NCKAP5: variants seen among roughly 807,000 people sequenced by gnomAD.
The protein encoded by NCKAP5 is NCK associated protein 5.
In NCKAP5, 92 loss-of-function variants were observed where a neutral mutation model predicts 167.0. That is an observed-to-expected ratio of 0.55 (90% CI 0.47 to 0.66). The LOEUF is 0.66. Ranked by LOEUF, NCKAP5 falls within the 30% of genes least tolerant of loss-of-function variation. The probability of loss-of-function intolerance (pLI) is 0.00; values close to 1 mark genes in which losing one functional copy is unlikely to be tolerated. For missense variants in NCKAP5, 2,378 were observed against 2,315.0 expected, an observed-to-expected ratio of 1.03 and a Z score of -0.56; for synonymous variants, 891 against 877.4, an observed-to-expected ratio of 1.02 and a Z score of -0.27.
the NCKAP5 span, among the ~76,000 whole-genome samples, chr2:133,605,487 G>A: frequency 6.6e-6 from 1 of 152,156 alleles, no homozygotes; most frequent in Non-Finnish European, 1.5e-5. Context: ...GTGGTGGGGG[G>A]AAGGGACACA....
intron 3 of NCKAP5, among the ~76,000 whole-genome samples, chr2:133,486,553 T>C (rs994323049): frequency 1.3e-5 from 2 of 152,154 alleles, no homozygotes; most frequent in Non-Finnish European, 2.9e-5. Context: ...CCCTTAAACA[T>C]ACAGTCTGAA....
chr2:133,501,909 T>C (rs1473936345), intron 3 of NCKAP5, among the ~76,000 whole-genome samples: 1 of 152,234 alleles, frequency 6.6e-6, no homozygotes, highest in Non-Finnish European at 1.5e-5. Flanking sequence ...CTAGTCCTCC[T>C]GGGAATTCCT....
At chr2:133,615,297 C>T in the NCKAP5 span, among the ~76,000 whole-genome samples, 1 of 151,256 alleles carries the variant, frequency 6.6e-6, no homozygotes, top group Non-Finnish European at 1.5e-5. Context: ...TCACACATAA[C>T]AATATTAACT....
At position 132,936,556 on chromosome 2, in the gene NCKAP5, C is replaced by T. The variant is rs117112735; in HGVS notation, c.579+27164G>A. Among the ~76,000 whole-genome samples the T allele has an allele frequency of 4.6e-5, 7 of 152,290 alleles. No individual in the cohort carries two copies. The East Asian group carries it at 1.4e-3, about 29-fold the overall frequency. ...TCAACACCATCTCTTTCTTTCTCCA[C>T]CACAAATAGGTCCCTTGGCACTACA... is the stretch of plus-strand genomic sequence containing the variant. On this transcript the variant is annotated intron_variant, in intron 8 of 19. Coordinates refer to ENST00000409261, the MANE Select transcript of NCKAP5 (RefSeq NM_207363.3).
chr2:132,999,125 T>C (rs928212223), intron 6 of NCKAP5, among the ~76,000 whole-genome samples: 12 of 56,720 alleles, frequency 2.1e-4, no homozygotes, highest in Admixed American at 8.1e-4. Flanking sequence ...TAAATACATA[T>C]ATGCAAACAG....
intron 8 of NCKAP5, among the ~76,000 whole-genome samples, chr2:132,922,360 C>A (rs893264029): frequency 3.9e-5 from 6 of 152,160 alleles, no homozygotes; most frequent in Non-Finnish European, 7.3e-5. Flanking sequence ...AGTTAAGAGC[C>A]AGGCTTTTCC....
chr2:133,219,174 G>T (rs990797103), intron 4 of NCKAP5, among the ~76,000 whole-genome samples: 1 of 152,158 alleles, frequency 6.6e-6, no homozygotes, highest in African/African-American at 2.4e-5. Flanking sequence ...AAACAGCCAC[G>T]TGGAAACAGG....
intron 6 of NCKAP5, among the ~76,000 whole-genome samples, chr2:133,111,808 G>A (rs1303759171): frequency 6.6e-6 from 1 of 152,142 alleles, no homozygotes; most frequent in Non-Finnish European, 1.5e-5. Context: ...CTAACAGATT[G>A]CTTAAGTGAA....
At chr2:133,089,096 T>C (rs1223787514) in intron 6 of NCKAP5, among the ~76,000 whole-genome samples, 1 of 152,160 alleles carries the variant, frequency 6.6e-6, no homozygotes, top group African/African-American at 2.4e-5. Context: ...CCAAGACATA[T>C]CCAAGTCTTA....
intron 9 of NCKAP5, among the ~76,000 whole-genome samples, chr2:132,870,658 T>G (rs1690739564): frequency 6.6e-6 from 1 of 151,568 alleles, no homozygotes; most frequent in East Asian, 1.9e-4. Flanking sequence ...ACTTTTGTGT[T>G]ATTTTTCTCT....
chr2:133,383,980 G>A (rs985080450), intron 3 of NCKAP5, among the ~76,000 whole-genome samples: 1 of 151,920 alleles, frequency 6.6e-6, no homozygotes, highest in Non-Finnish European at 1.5e-5. Context: ...TGAATAGATT[G>A]CAAAAATTTT....
intron 8 of NCKAP5, among the ~76,000 whole-genome samples, chr2:132,962,412 AG>A (rs2076540328): frequency 6.6e-6 from 1 of 151,956 alleles, no homozygotes; most frequent in Admixed American, 6.6e-5. Flanking sequence ...GTAGTCGAAC[AG>A]GGATTCAAAT....
intron 3 of NCKAP5, among the ~76,000 whole-genome samples, chr2:133,429,457 T>A (rs1328554817): frequency 1.3e-5 from 2 of 152,024 alleles, no homozygotes; most frequent in African/African-American, 4.8e-5. Context: ...CCCCTCTTCA[T>A]CCCTCCATTT....
intron 8 of NCKAP5, chr2:132,930,933 C>G (rs1391929199): frequency 6.6e-6 from 1 of 152,164 alleles, no homozygotes; most frequent in African/African-American, 2.4e-5. Flanking sequence ...TTATCTCCCT[C>G]TATACTCTGA....
intron 6 of NCKAP5, among the ~76,000 whole-genome samples, chr2:133,129,739 C>T (rs1394367959): frequency 6.6e-6 from 1 of 152,174 alleles, no homozygotes; most frequent in East Asian, 1.9e-4. Context: ...CTTAGGAAAG[C>T]CATCAGGAAA....
chr2:133,414,515 G>A lies in NCKAP5; in HGVS notation c.69+102943C>T, dbSNP rs1341243634. On this transcript the variant is annotated intron_variant, in intron 3 of 19. Transcript: ENST00000409261. ...GGGAGGATAAATTCAGGTCATTCTTGTTGCACCAAAAAAAAGCAACTCACA... is the reference window on the plus strand; with the variant it reads ...GGGAGGATAAATTCAGGTCATTCTTATTGCACCAAAAAAAAGCAACTCACA... 3.9e-5 allele frequency among the ~76,000 whole-genome samples: 6 copies of A among 152,088 alleles called. No homozygotes were observed. In the East Asian group the frequency reaches 1.2e-3, roughly 29 times the overall value.
intron 3 of NCKAP5, among the ~76,000 whole-genome samples, chr2:133,342,640 C>A (rs1683676885): frequency 6.6e-6 from 1 of 152,146 alleles, no homozygotes; most frequent in South Asian, 2.1e-4. Context: ...ACAATACCCC[C>A]TCCAGCCACC....
At chr2:133,046,104 T>C (rs948209749) in intron 6 of NCKAP5, among the ~76,000 whole-genome samples, 1 of 152,028 alleles carries the variant, frequency 6.6e-6, no homozygotes, top group Non-Finnish European at 1.5e-5. Context: ...AACTGATGAG[T>C]TGTTTACTTC....
chr2:133,020,278 G>C (rs1444330308), intron 6 of NCKAP5, among the ~76,000 whole-genome samples: 1 of 152,172 alleles, frequency 6.6e-6, no homozygotes, highest in Non-Finnish European at 1.5e-5. Context: ...GGACCCTACT[G>C]CTAGATGAGA....
Sources: allele counts gnomAD v4.1 joint callset (sites outside exome capture counted in the v4.1 genomes callset), GRCh38; gene constraint gnomAD v4.1.1; transcripts MANE v1.5; gene names NCBI Gene and HGNC (gene_info 2026-07-23, HGNC 2026-07-21).